Variants in EPHA5 observed in about 807,000 individuals in gnomAD.
EPHA5 encodes the protein EPH receptor A5.
A neutral mutation model predicts 105.0 loss-of-function variants in EPHA5; 60 were observed. The ratio of observed to expected loss-of-function variants is 0.57; its 90% CI spans 0.46 to 0.71. EPHA5 has a LOEUF of 0.71. EPHA5 is among the 30% of genes least tolerant of loss of function. The pLI is 0.00. For synonymous variants in EPHA5, 513 were observed against 449.1 expected, an observed-to-expected ratio of 1.14 and a Z score of -1.80; for missense variants, 1,218 against 1,274.7, an observed-to-expected ratio of 0.96 and a Z score of 0.68.
At chr4:65,473,881 A>C (rs1729529156) in intron 5 of EPHA5, among the ~76,000 whole-genome samples, 1 of 38,134 alleles carries the variant, frequency 2.6e-5, no homozygotes, top group Admixed American at 4.5e-4. Context: ...ATGTTTTGTA[A>C]GGGCTTTTTT....
Position 65,387,548 on chromosome 4 carries a change from G to T in EPHA5, c.1793+16826C>A, listed in dbSNP as rs1038909466. On this transcript the variant is annotated intron_variant, in intron 8 of 16. Coordinates refer to ENST00000613740, the MANE Select transcript of EPHA5 (RefSeq NM_001281766.3). ...GTATACACTAGCACAGGTTTGAAATGATTAATAATACATCATTAAGCCTTA... is the reference window on the plus strand; with the variant it reads ...GTATACACTAGCACAGGTTTGAAATTATTAATAATACATCATTAAGCCTTA... Among the ~76,000 whole-genome samples, 4 of 151,848 alleles carry T rather than the reference G, an allele frequency of 2.6e-5. No individual in the cohort carries two copies. The South Asian group carries it at 8.3e-4, about 31-fold the overall frequency.
chr4:65,391,442 G>T (rs1411448458), intron 8 of EPHA5, among the ~76,000 whole-genome samples: 2 of 152,014 alleles, frequency 1.3e-5, no homozygotes, highest in Non-Finnish European at 2.9e-5. Context: ...GAACAAATGT[G>T]GCTTTTAGCT....
chr4:65,625,430 T>G (rs1746048758), intron 2 of EPHA5, among the ~76,000 whole-genome samples: 1 of 152,186 alleles, frequency 6.6e-6, no homozygotes, highest in South Asian at 2.1e-4. Flanking sequence ...GATACAATCA[T>G]ACAGTATGTA....
chr4:65,504,783 T>C (rs1360429916), intron 3 of EPHA5, among the ~76,000 whole-genome samples: 1 of 152,038 alleles, frequency 6.6e-6, no homozygotes, highest in Non-Finnish European at 1.5e-5. Context: ...ATTTCAGCCA[T>C]TCTTCAAAGG....
intron 3 of EPHA5, among the ~76,000 whole-genome samples, chr4:65,599,590 C>T (rs558701239): frequency 9.9e-5 from 15 of 152,114 alleles, no homozygotes; most frequent in Admixed American, 2.0e-4. Context: ...TTAATCATAC[C>T]GACTACATGT....
intron 1 of EPHA5, among the ~76,000 whole-genome samples, chr4:65,667,725 T>C (rs559986843): frequency 1.3e-5 from 2 of 152,334 alleles, no homozygotes; most frequent in East Asian, 1.9e-4. Context: ...TCCCTGAGAA[T>C]TGAATTCTTC....
At chr4:65,444,448 T>C (rs1350825071) in intron 5 of EPHA5, among the ~76,000 whole-genome samples, 2 of 152,170 alleles carry the variant, frequency 1.3e-5, no homozygotes, top group East Asian at 3.9e-4. Context: ...GATCCATTTA[T>C]TGAATGTTAC....
chr4:65,333,481 C>T lies in EPHA5; in HGVS notation c.2790-1353G>A, dbSNP rs375456411. ...CTCCCACCTTACTCTTGAAATCTTA[C>T]TCTGTCTGAACATTGTTTAAATCAC... On this transcript the variant is annotated intron_variant, in intron 15 of 16. Transcript: ENST00000613740. 1.1e-4 allele frequency among the ~76,000 whole-genome samples: 16 copies of T among 151,346 alleles called. No individual in the cohort carries two copies. The South Asian group carries it at 1.7e-3, about 16-fold the overall frequency.
At chr4:65,357,977 G>T (rs1001854635) in intron 11 of EPHA5, among the ~76,000 whole-genome samples, 2 of 151,358 alleles carry the variant, frequency 1.3e-5, no homozygotes, top group African/African-American at 4.8e-5. Flanking sequence ...CTCAAAGTTA[G>T]GTGAAACAAA....
chr4:65,489,405 A>G (rs1731196648), intron 5 of EPHA5, among the ~76,000 whole-genome samples: 1 of 152,190 alleles, frequency 6.6e-6, no homozygotes. Context: ...CTTTGTGAGT[A>G]CTGGTGGCAA....
chr4:65,573,266 C>T (rs1740401094), intron 3 of EPHA5, among the ~76,000 whole-genome samples: 1 of 151,694 alleles, frequency 6.6e-6, no homozygotes, highest in African/African-American at 2.4e-5. Context: ...AAAAAATTAG[C>T]TGGGCGTGGT....
intron 7 of EPHA5, among the ~76,000 whole-genome samples, chr4:65,413,311 G>T (rs1430045565): frequency 2.0e-5 from 3 of 151,656 alleles, no homozygotes; most frequent in Non-Finnish European, 4.4e-5. Context: ...AAAATTCAGT[G>T]AAACAACATT....
intron 2 of EPHA5, among the ~76,000 whole-genome samples, chr4:65,617,170 G>T (rs116744377): frequency 6.6e-6 from 1 of 151,974 alleles, no homozygotes; most frequent in African/African-American, 2.4e-5. Context: ...ACTAAGTGTG[G>T]TCATTTAGTG....
At chr4:65,382,207 A>T (rs758435526) in intron 8 of EPHA5, among the ~76,000 whole-genome samples, 9 of 151,826 alleles carry the variant, frequency 5.9e-5, no homozygotes, top group South Asian at 2.1e-4. Context: ...TCTAAAAAAA[A>T]CTATTAGGAC....
intron 5 of EPHA5, among the ~76,000 whole-genome samples, chr4:65,428,947 G>A (rs1560527407): frequency 1.3e-5 from 2 of 151,982 alleles, no homozygotes; most frequent in Admixed American, 6.6e-5. Context: ...AATATTAAAT[G>A]TAACAAGGTG....
At chr4:65,363,233 GTACT>G (rs1392046680) in intron 11 of EPHA5, among the ~76,000 whole-genome samples, 1 of 151,516 alleles carries the variant, frequency 6.6e-6, no homozygotes, top group Non-Finnish European at 1.5e-5. Flanking sequence ...TACTAAATAA[GTACT>G]TACTTTGTGC....
chr4:65,396,718 G>A (rs1450964946), intron 8 of EPHA5, among the ~76,000 whole-genome samples: 1 of 152,174 alleles, frequency 6.6e-6, no homozygotes, highest in East Asian at 1.9e-4. Flanking sequence ...TCCTGGAAAG[G>A]CAAAGAGGGG....
At chr4:65,348,789 GTGTGTATATA>G (rs1465953220) in intron 13 of EPHA5, among the ~76,000 whole-genome samples, 7 of 32,070 alleles carry the variant, frequency 2.2e-4, no homozygotes, top group African/African-American at 4.8e-4. Context: ...ATGTGTGTGT[GTGTGTATATA>G]TATATATATA....
intron 11 of EPHA5, among the ~76,000 whole-genome samples, chr4:65,354,783 A>G (rs1329777115): frequency 6.6e-6 from 1 of 151,750 alleles, no homozygotes; most frequent in Non-Finnish European, 1.5e-5. Context: ...ACTGGGAAGA[A>G]AAAAGAATGT....
Sources: allele counts gnomAD v4.1 joint callset (sites outside exome capture counted in the v4.1 genomes callset), GRCh38; gene constraint gnomAD v4.1.1; transcripts MANE v1.5; gene names NCBI Gene and HGNC (gene_info 2026-07-23, HGNC 2026-07-21).